DNTT: variants seen among roughly 807,000 people sequenced by gnomAD.
The protein encoded by DNTT is nucleosidetriphosphate:DNA deoxynucleotidylexotransferase.
DNTT carries 47 observed loss-of-function variants against 60.9 expected under a neutral mutation model. The ratio of observed to expected loss-of-function variants is 0.77; its 90% confidence interval spans 0.61 to 0.98. The LOEUF is 0.98. DNTT is among the 50% of genes least tolerant of loss of function. The pLI is 0.00. For missense variants in DNTT, 665 were observed against 627.5 expected (o/e 1.06, Z -0.64); for synonymous variants, 224 against 221.2 (o/e 1.01, Z -0.11).
intron 1 of DNTT, among the ~76,000 whole-genome samples, chr10:96,309,970 A>G (rs1844690490): frequency 6.6e-6 from 1 of 152,234 alleles, no homozygotes; most frequent in Non-Finnish European, 1.5e-5. Flanking sequence ...ATCTGAAAAA[A>G]GCAACCCTTC....
chr10:96,322,337 T>C (rs974233900), intron 4 of DNTT, among the ~76,000 whole-genome samples: 1 of 152,204 alleles, frequency 6.6e-6, no homozygotes, highest in African/African-American at 2.4e-5. Flanking sequence ...GTCATATTCA[T>C]TGAAGAGAAA....
chr10:96,322,703 A>T lies in DNTT; in HGVS notation c.725A>T (p.Asn242Ile). 1 of 1,601,302 alleles carries T rather than the reference A, an allele frequency of 6.2e-7. No homozygotes were observed. Among genetic ancestry groups the T allele is most frequent in the Non-Finnish European group, 8.5e-7 (1 of 1,170,676 alleles). ...AGTTCTGAAGTTAAAGCTGTGTTAA[A>T]TGATGAACGATATCAATCCTTCAAA... ...GESSEVKAVL[N>I]DERYQSFKLF... The change falls in exon 5 of 11, where the codon AAT (asparagine) becomes ATT (isoleucine). Residue 242 changes from asparagine (N) to isoleucine (I), a missense_variant. Transcript: ENST00000371174.
chr10:96,307,343 G>GTTGTTTTTTTTTTTTTTTTTTTTTTTTTT (rs1844650391), intron 1 of DNTT, among the ~76,000 whole-genome samples: 1 of 67,606 alleles, frequency 1.5e-5, no homozygotes, highest in African/African-American at 6.4e-5. Flanking sequence ...GGGTTTTCCA[G>GTTGTTTTTTTTTTTTTTTTTTTTTTTTTT]TTTTTTTTTT....
In DNTT at chr10:96,332,458, C is replaced by A. The variant is rs756939892; in HGVS notation, c.1221C>A (p.Phe407Leu). The A allele has an allele frequency of 6.8e-6, 11 of 1,614,162 alleles. No homozygotes were observed. The South Asian group carries it at 1.2e-4, about 18-fold the overall frequency. The part of the protein sequence containing the change: ...LDHFQKCFLI[F>L]KLPRQRVDSD... ...ATTTTCAAAAGTGCTTTCTGATTTTCAAATTGCCTCGTCAAAGAGTGGACA... is the reference window on the plus strand; with the variant it reads ...ATTTTCAAAAGTGCTTTCTGATTTTAAAATTGCCTCGTCAAAGAGTGGACA... The change falls in exon 9 of 11, where the codon TTC becomes TTA. Residue 407 changes from phenylalanine (F) to leucine (L), a missense_variant. Coordinates refer to ENST00000371174, the MANE Select transcript of DNTT (RefSeq NM_004088.4).
At chr10:96,307,774 TA>T (rs1259834952) in intron 1 of DNTT, among the ~76,000 whole-genome samples, 820 of 43,764 alleles carry the variant, frequency 0.019, 55 homozygotes, top group South Asian at 0.039. Context: ...TATATATATA[TA>T]TATTTTTTTT....
At chr10:96,305,033 T>C (rs141067813) in intron 1 of DNTT, among the ~76,000 whole-genome samples, 1 of 152,326 alleles carries the variant, frequency 6.6e-6, no homozygotes, top group Non-Finnish European at 1.5e-5. Flanking sequence ...CTTGACCAAT[T>C]TGAACAAAGT....
At chr10:96,323,655 TA>T (rs1844906478) in intron 5 of DNTT, among the ~76,000 whole-genome samples, 1 of 152,186 alleles carries the variant, frequency 6.6e-6, no homozygotes. Context: ...CATCTTCATT[TA>T]CTTGGAAGCA....
rs1464355354 is a variant in DNTT, at chr10:96,335,961, A to G, written c.1430A>G (p.Tyr477Cys). Reference protein sequence around the residue: ...RKMILDNHALYDKTKRIFLKA... With the variant: ...RKMILDNHALCDKTKRIFLKA... The stretch of plus-strand genomic sequence containing the variant: ...ATGATTCTGGATAACCATGCTTTAT[A>G]TGACAAGACCAAGGTACAGTTCTCT... The change falls in exon 10 of 11, where the codon TAT (tyrosine) becomes TGT (cysteine). Residue 477 changes from tyrosine to cysteine, a missense_variant. Tyr to Cys is a radical substitution (Grantham distance 194). Transcript: ENST00000371174. 2 of 1,614,094 alleles carry G rather than the reference A, an allele frequency of 1.2e-6. No homozygotes were observed. The highest frequency in any genetic ancestry group is 2.7e-5 in the African/African-American group (2 of 74,936).
chr10:96,307,699 G>A (rs1405970820), intron 1 of DNTT, among the ~76,000 whole-genome samples: 3 of 68,904 alleles, frequency 4.4e-5, no homozygotes, highest in African/African-American at 5.5e-5. Flanking sequence ...ATGTGTGTGT[G>A]TGTGTGTATA....
chr10:96,307,777 A>AT (rs1554920345), intron 1 of DNTT, among the ~76,000 whole-genome samples: 1,294 of 125,966 alleles, frequency 0.01, 53 homozygotes, highest in African/African-American at 0.036. Flanking sequence ...ATATATATAT[A>AT]TTTTTTTTTT....
intron 1 of DNTT, among the ~76,000 whole-genome samples, chr10:96,317,207 A>C (rs1221072224): frequency 1.3e-5 from 2 of 152,224 alleles, no homozygotes; most frequent in African/African-American, 4.8e-5. Flanking sequence ...CAGAAAAAAC[A>C]ATAAAAGAAA....
At chr10:96,334,827 T>C (rs1845048498) in intron 9 of DNTT, among the ~76,000 whole-genome samples, 1 of 152,242 alleles carries the variant, frequency 6.6e-6, no homozygotes, top group African/African-American at 2.4e-5. Context: ...TGCAATGTCA[T>C]GCCAGTTAAG....
At chr10:96,334,792 C>T (rs1845048248) in intron 9 of DNTT, among the ~76,000 whole-genome samples, 1 of 152,186 alleles carries the variant, frequency 6.6e-6, no homozygotes. Context: ...GAAAGGGGAA[C>T]GTTCCAGAAA....
At chr10:96,337,294 C>A (rs1343870727) in intron 10 of DNTT, among the ~76,000 whole-genome samples, 2 of 152,108 alleles carry the variant, frequency 1.3e-5, no homozygotes, top group African/African-American at 2.4e-5. Context: ...TCCCTGAACC[C>A]ATTACTGTGG....
chr10:96,324,469 C>A, intron 6 of DNTT, 80 bp downstream of exon 6: 1 of 1,579,330 alleles, frequency 6.3e-7, no homozygotes, highest in African/African-American at 1.3e-5. Context: ...TACACTGCAA[C>A]TCCAATCTGG....
At chr10:96,326,046 A>G (rs968528652) in intron 6 of DNTT, among the ~76,000 whole-genome samples, 2 of 152,252 alleles carry the variant, frequency 1.3e-5, no homozygotes, top group African/African-American at 4.8e-5. Context: ...CAATTAAATT[A>G]CTTTCATGGA....
chr10:96,324,433 G>C (rs752573799), intron 6 of DNTT, 44 bp downstream of exon 6: 83 of 1,607,440 alleles, frequency 5.2e-5, no homozygotes, highest in South Asian at 4.2e-4. Context: ...TGGGCTGGTC[G>C]GGTCGTGGTG....
At position 96,325,079 on chromosome 10, in the gene DNTT, T is replaced by C. The variant is rs1844924429; in HGVS notation, c.874+690T>C. On this transcript the variant is annotated intron_variant, in intron 6 of 10. Transcript: ENST00000371174. ...GTTGAAGGTAGCCTGGTCACTTCCA[T>C]TTATGAGGCTCCCAGTAAGTTTTTT... is the stretch of plus-strand genomic sequence containing the variant. Among the ~76,000 whole-genome samples, 3 of 152,160 alleles carry C rather than the reference T, an allele frequency of 2.0e-5. 1 individual carries two copies. The South Asian group carries it at 6.2e-4, about 32-fold the overall frequency.
At chr10:96,337,425 A>G (rs1264660396) in intron 10 of DNTT, among the ~76,000 whole-genome samples, 1 of 152,234 alleles carries the variant, frequency 6.6e-6, no homozygotes, top group East Asian at 1.9e-4. Flanking sequence ...GGTGCTGCTC[A>G]CAGAAGAGGG....
Sources: gnomAD v4.1 joint callset for allele counts (sites outside exome capture counted in the v4.1 genomes callset) on GRCh38, gnomAD v4.1.1 for gene constraint, MANE v1.5 for transcripts, NCBI Gene and HGNC (gene_info 2026-07-23, HGNC 2026-07-21) for gene names.